ORC3: variants seen among roughly 807,000 people sequenced by gnomAD.
ORC3 encodes origin recognition complex subunit 3.
Under a neutral mutation model 100.7 loss-of-function variants are expected in ORC3, and 78 were observed. That is an observed-to-expected ratio of 0.77 (90% confidence interval 0.65 to 0.94). The LOEUF is 0.94. Among genes scored for constraint, ORC3 ranks in the 40% least tolerant of loss-of-function variants. The probability of loss-of-function intolerance (pLI) is 0.00; values close to 1 mark genes in which losing one functional copy is unlikely to be tolerated. For missense variants in ORC3, 789 were observed against 823.9 expected, an observed-to-expected ratio of 0.96 and a Z score of 0.52; for synonymous variants, 295 against 289.3, an observed-to-expected ratio of 1.02 and a Z score of -0.20.
At chr6:87,648,701 A>C (rs777779553) in intron 13 of ORC3, among the ~76,000 whole-genome samples, 12 of 152,344 alleles carry the variant, frequency 7.9e-5, no homozygotes, top group Admixed American at 2.6e-4. Flanking sequence ...CACTTGATAC[A>C]CATATGTGGG....
intron 2 of ORC3, 130 bp from the exon 3 acceptor site, chr6:87,601,653 CA>C: frequency 1.7e-6 from 1 of 596,318 alleles, no homozygotes; most frequent in Non-Finnish European, 3.0e-6. Flanking sequence ...GCCTGGGTGA[CA>C]GAGTGAGACT....
chr6:87,666,454 T>TC (rs1490780939), intron 19 of ORC3, among the ~76,000 whole-genome samples: 2 of 149,276 alleles, frequency 1.3e-5, no homozygotes, highest in African/African-American at 4.9e-5. Flanking sequence ...TTTTTTTTTT[T>TC]TGAGACAGAG....
rs745580630 is a variant in ORC3, at chr6:87,663,051, C to T, written c.1740C>T (p.Tyr580=). The stretch of plus-strand genomic sequence containing the variant: ...CACAGCCTCTCCATGAGGTGGTGTA[C>T]TTCAGTGCTGCCCATGCCCTTCGTG... ...PETQPLHEVV[Y]FSAAHALREH... Residue 580 remains tyrosine, a synonymous_variant, in exon 17 of 20, where the codon TAC becomes TAT. Coordinates refer to ENST00000392844, the MANE Select transcript of ORC3 (RefSeq NM_012381.4). The T allele has an allele frequency of 2.4e-5, 39 of 1,612,732 alleles. No homozygotes were observed. Among genetic ancestry groups the T allele is most frequent in the Non-Finnish European group, 2.8e-5 (33 of 1,179,004 alleles).
chr6:87,668,218 T>TG (rs1370606843), downstream of ORC3, among the ~76,000 whole-genome samples: 2 of 152,208 alleles, frequency 1.3e-5, no homozygotes, highest in East Asian at 1.9e-4. Flanking sequence ...CATGCAGATA[T>TG]GGGGGGAAAG....
chr6:87,593,204 A>G (rs1446713718), intron 1 of ORC3, among the ~76,000 whole-genome samples: 1 of 152,252 alleles, frequency 6.6e-6, no homozygotes, highest in Non-Finnish European at 1.5e-5. Flanking sequence ...ACCACTGGTC[A>G]AACAATAATA....
chr6:87,622,472 G>C (rs1200410477), intron 11 of ORC3, among the ~76,000 whole-genome samples: 1 of 152,048 alleles, frequency 6.6e-6, no homozygotes, highest in Non-Finnish European at 1.5e-5. Context: ...ATAAAGCTAG[G>C]AAAGAAGTAA....
the ORC3 span, chr6:87,677,716 A>G: frequency 1.5e-6 from 2 of 1,360,912 alleles, no homozygotes; most frequent in Non-Finnish European, 2.0e-6. Context: ...ATTCTCAGAG[A>G]ATATACCGCA....
chr6:87,672,388 T>TCTC (rs915578750), downstream of ORC3, among the ~76,000 whole-genome samples: 1 of 152,074 alleles, frequency 6.6e-6, no homozygotes, highest in African/African-American at 2.4e-5. Context: ...ATAGATGCAG[T>TCTC]AGAGAGAGGA....
At chr6:87,594,201 A>G (rs2090594857) in intron 1 of ORC3, 152 bp from the exon 2 acceptor site, 1 of 548,010 alleles carries the variant, frequency 1.8e-6, no homozygotes, top group South Asian at 3.2e-5. Context: ...GGTCAGAGAG[A>G]AGTGATGTGA....
At chr6:87,666,531 C>T (rs1418122487) in intron 19 of ORC3, among the ~76,000 whole-genome samples, 6 of 144,460 alleles carry the variant, frequency 4.2e-5, no homozygotes, top group Non-Finnish European at 9.2e-5. Flanking sequence ...CTCCACCTCC[C>T]GGGTTCAAGC....
chr6:87,643,978 G>A (rs13206957), intron 13 of ORC3, among the ~76,000 whole-genome samples: 8,807 of 150,786 alleles, frequency 0.058, 308 homozygotes, highest in African/African-American at 0.1. Flanking sequence ...AAGTCTGTAC[G>A]TGTTCTATAC....
At chr6:87,667,927 C>CAA (rs60673088), downstream of ORC3, among the ~76,000 whole-genome samples, 25 of 148,070 alleles carry the variant, frequency 1.7e-4, no homozygotes, top group South Asian at 4.3e-4. Context: ...GACTCCGTGT[C>CAA]AAAAAAAAAA....
intron 14 of ORC3, among the ~76,000 whole-genome samples, chr6:87,655,276 C>T (rs948463519): frequency 6.6e-6 from 1 of 151,972 alleles, no homozygotes; most frequent in African/African-American, 2.4e-5. Flanking sequence ...CCTCAGACCT[C>T]CTGGGCTCAA....
Position 87,664,791 on chromosome 6 carries a change from G to A in ORC3, c.1882G>A (p.Asp628Asn), listed in dbSNP as rs761537216. 5.0e-6 allele frequency: 8 copies of A among 1,614,152 alleles called. No individual in the cohort carries two copies. The highest frequency in any genetic ancestry group is 6.8e-6 in the Non-Finnish European group (8 of 1,180,000). Reference protein sequence around the residue: ...EEGCIPNIAPDICIAYKLHLE... With the variant: ...EEGCIPNIAPNICIAYKLHLE... Reference sequence around the variant, plus strand: ...AGGCTGCATTCCGAATATCGCCCCAGACATCTGCATAGCATACAAACTGCA... The same window carrying A: ...AGGCTGCATTCCGAATATCGCCCCAAACATCTGCATAGCATACAAACTGCA... Residue 628 changes from aspartate (D) to asparagine (N), a missense_variant, in exon 18 of 20, where the codon GAC (aspartate) becomes AAC (asparagine). Around this residue, in one of 3 missense-constraint regions of ORC3, gnomAD observed 366 missense variants for 394.2 expected, o/e 0.93. Coordinates refer to ENST00000392844, the MANE Select transcript of ORC3 (RefSeq NM_012381.4).
chr6:87,620,811 A>C (rs1779479324), intron 9 of ORC3, among the ~76,000 whole-genome samples: 1 of 152,230 alleles, frequency 6.6e-6, no homozygotes, highest in Non-Finnish European at 1.5e-5. Flanking sequence ...AGCCCACAGC[A>C]TTCTATTATT....
At chr6:87,627,696 G>A (rs942231783) in intron 11 of ORC3, among the ~76,000 whole-genome samples, 27 of 151,968 alleles carry the variant, frequency 1.8e-4, no homozygotes, top group African/African-American at 6.3e-4. Flanking sequence ...ATGTTATATA[G>A]TTGTATAGAC....
chr6:87,659,676 G>A (rs28381529), intron 16 of ORC3, among the ~76,000 whole-genome samples: 4,385 of 151,952 alleles, frequency 0.029, 215 homozygotes, highest in African/African-American at 0.1. Context: ...GAGGACAGGA[G>A]TTTGAGACCA....
chr6:87,621,821 A>G, intron 10 of ORC3, 129 bp from the exon 11 acceptor site: 1 of 656,634 alleles, frequency 1.5e-6, no homozygotes, highest in Non-Finnish European at 2.6e-6. Flanking sequence ...TGTCATACTG[A>G]ATTTATTTTT....
chr6:87,672,957 G>C, the ORC3 span, among the ~76,000 whole-genome samples: 1 of 151,956 alleles, frequency 6.6e-6, no homozygotes, highest in Non-Finnish European at 1.5e-5. Context: ...CAATTCTGTA[G>C]ATACTTATTA....
Sources: gnomAD v4.1 joint callset for allele counts (sites outside exome capture counted in the v4.1 genomes callset) on GRCh38, gnomAD v4.1.1 for gene constraint, gnomAD v4.1.1 regional missense constraint, MANE v1.5 for transcripts, NCBI Gene and HGNC (gene_info 2026-07-23, HGNC 2026-07-21) for gene names.